Variants in FHIT observed in about 807,000 individuals in gnomAD.
The protein encoded by FHIT is bis(5'-adenosyl)-triphosphatase.
A neutral mutation model predicts 17.9 loss-of-function variants in FHIT; 19 were observed. The ratio of observed to expected loss-of-function variants is 1.06; its 90% CI spans 0.74 to 1.56. The LOEUF (loss-of-function observed/expected upper bound fraction) is 1.56. FHIT is among the 40% of genes most tolerant of loss of function. FHIT has a pLI of 0.00. For missense variants in FHIT, 248 were observed against 189.2 expected, an observed-to-expected ratio of 1.31 and a Z score of -1.82; for synonymous variants, 81 against 69.7, an observed-to-expected ratio of 1.16 and a Z score of -0.81.
intron 1 of FHIT, among the ~76,000 whole-genome samples, chr3:61,250,843 C>G (rs1432745924): frequency 6.6e-6 from 1 of 152,218 alleles, no homozygotes; most frequent in Non-Finnish European, 1.5e-5. Flanking sequence ...GCTGCCTTCT[C>G]TATACTCCGG....
At chr3:60,268,795 T>A (rs139191525) in intron 5 of FHIT, among the ~76,000 whole-genome samples, 1 of 152,070 alleles carries the variant, frequency 6.6e-6, no homozygotes, top group African/African-American at 2.4e-5. Context: ...AGGTTGCAGA[T>A]GATGAAGGTT....
chr3:60,003,141 C>G (rs1699791484), intron 7 of FHIT, among the ~76,000 whole-genome samples: 2 of 151,982 alleles, frequency 1.3e-5, no homozygotes. Context: ...TACACATTAC[C>G]CAATTTAAAA....
At chr3:61,242,121 T>G (rs570140579) in intron 1 of FHIT, among the ~76,000 whole-genome samples, 28 of 152,104 alleles carry the variant, frequency 1.8e-4, no homozygotes, top group Non-Finnish European at 3.4e-4. Flanking sequence ...AATATAAATA[T>G]AAATACTCAA....
At chr3:60,289,211 G>A (rs1453608413) in intron 5 of FHIT, among the ~76,000 whole-genome samples, 1 of 152,114 alleles carries the variant, frequency 6.6e-6, no homozygotes, top group African/African-American at 2.4e-5. Context: ...ATTTCCTACT[G>A]TACACAGGAA....
intron 2 of FHIT, among the ~76,000 whole-genome samples, chr3:61,147,917 A>T (rs1210195477): frequency 6.6e-6 from 1 of 152,008 alleles, no homozygotes; most frequent in Non-Finnish European, 1.5e-5. Context: ...TAAATGTTCT[A>T]ATGTGAAGGC....
At chr3:61,038,175 A>G (rs1340306887) in intron 3 of FHIT, among the ~76,000 whole-genome samples, 1 of 152,248 alleles carries the variant, frequency 6.6e-6, no homozygotes, top group Non-Finnish European at 1.5e-5. Context: ...TGCCAAAACC[A>G]ATGATGAATC....
intron 7 of FHIT, among the ~76,000 whole-genome samples, chr3:59,934,619 T>C (rs558639099): frequency 6.6e-6 from 1 of 152,216 alleles, no homozygotes; most frequent in African/African-American, 2.4e-5. Flanking sequence ...GGGTGATTTA[T>C]AAAGGAAAGA....
chr3:60,265,629 T>C (rs548763190), intron 5 of FHIT, among the ~76,000 whole-genome samples: 1 of 152,046 alleles, frequency 6.6e-6, no homozygotes, highest in South Asian at 2.1e-4. Flanking sequence ...ATTAATAAAG[T>C]GAGAAGACAA....
At chr3:61,194,575 T>C (rs1235369857) in intron 2 of FHIT, among the ~76,000 whole-genome samples, 1 of 152,234 alleles carries the variant, frequency 6.6e-6, no homozygotes, top group Non-Finnish European at 1.5e-5. Context: ...AAACGGCTTT[T>C]ATCCTAATAC....
intron 5 of FHIT, among the ~76,000 whole-genome samples, chr3:60,499,889 C>T (rs1396581286): frequency 1.3e-5 from 2 of 151,956 alleles, no homozygotes; most frequent in African/African-American, 4.8e-5. Context: ...TCATACTCTT[C>T]TTTTTATTTT....
chr3:60,660,621 T>C (rs1213508846), intron 4 of FHIT, among the ~76,000 whole-genome samples: 2 of 151,858 alleles, frequency 1.3e-5, no homozygotes, highest in African/African-American at 4.8e-5. Context: ...CCCCTCCTTA[T>C]CAATTTTTTT....
chr3:60,911,609 A>T (rs1386456042), intron 3 of FHIT, among the ~76,000 whole-genome samples: 1 of 152,228 alleles, frequency 6.6e-6, no homozygotes, highest in African/African-American at 2.4e-5. Flanking sequence ...CAGCACTGTC[A>T]GTTTCTTTAA....
At chr3:61,010,814 A>G (rs542603218) in intron 3 of FHIT, among the ~76,000 whole-genome samples, 2 of 152,362 alleles carry the variant, frequency 1.3e-5, no homozygotes, top group East Asian at 3.9e-4. Context: ...AGAATTGTGG[A>G]AGGAGAAGTA....
chr3:60,449,891 T>G (rs1016354702), intron 5 of FHIT, among the ~76,000 whole-genome samples: 1 of 149,244 alleles, frequency 6.7e-6, no homozygotes, highest in Admixed American at 6.8e-5. Flanking sequence ...TAGTCCCAGC[T>G]ACTCAGGAGG....
At chr3:60,589,287 C>G (rs1348433524) in intron 4 of FHIT, among the ~76,000 whole-genome samples, 1 of 152,024 alleles carries the variant, frequency 6.6e-6, no homozygotes, top group Non-Finnish European at 1.5e-5. Flanking sequence ...CTTCCAGGCC[C>G]AACCACTTCT....
intron 5 of FHIT, among the ~76,000 whole-genome samples, chr3:60,211,386 A>C (rs372969905): frequency 1.7e-4 from 26 of 152,186 alleles, no homozygotes; most frequent in African/African-American, 5.3e-4. Context: ...GAGATATAGA[A>C]GTTATACTAC....
At chr3:60,178,595 GGGGA>G (rs1701786985) in intron 5 of FHIT, among the ~76,000 whole-genome samples, 1 of 151,952 alleles carries the variant, frequency 6.6e-6, no homozygotes, top group South Asian at 2.1e-4. Context: ...GTGGCGGTGG[GGGGA>G]GGGAGAAAGA....
intron 5 of FHIT, among the ~76,000 whole-genome samples, chr3:60,274,749 C>T (rs1266299313): frequency 1.3e-5 from 2 of 152,162 alleles, no homozygotes; most frequent in Non-Finnish European, 2.9e-5. Context: ...CTACAAAACA[C>T]ATCTTTAAGA....
At chr3:60,859,836 G>C (rs1703562543) in intron 3 of FHIT, among the ~76,000 whole-genome samples, 1 of 130,520 alleles carries the variant, frequency 7.7e-6, no homozygotes, top group Non-Finnish European at 1.5e-5. Flanking sequence ...TTGAGGTCAG[G>C]AGCTCAAGAC....
Sources: gnomAD v4.1 joint callset for allele counts (sites outside exome capture counted in the v4.1 genomes callset) on GRCh38, gnomAD v4.1.1 for gene constraint, MANE v1.5 for transcripts, NCBI Gene and HGNC (gene_info 2026-07-23, HGNC 2026-07-21) for gene names.